NIBAN1: variants seen among roughly 807,000 people sequenced by gnomAD.
NIBAN1 encodes the protein niban apoptosis regulator 1, also known as protein Niban 1.
A neutral mutation model predicts 75.1 loss-of-function variants in NIBAN1; 81 were observed. That is an observed-to-expected ratio of 1.08 (90% confidence interval 0.90 to 1.30). The LOEUF is 1.30. Ranked by LOEUF, NIBAN1 falls within the 50% of genes most tolerant of loss-of-function variation. The pLI, the probability that NIBAN1 is intolerant of heterozygous loss-of-function variation, is 0.00. For missense variants in NIBAN1, 1,133 were observed against 1,128.1 expected (o/e 1.00, Z -0.06); for synonymous variants, 436 against 424.8 (o/e 1.03, Z -0.32).
intron 9 of NIBAN1, among the ~76,000 whole-genome samples, chr1:184,811,251 TC>T (rs1180204863): frequency 3.9e-5 from 6 of 152,204 alleles, no homozygotes; most frequent in Admixed American, 2.0e-4. Flanking sequence ...ATTTCTGTGT[TC>T]TACCCCTTTT....
rs534255584 is a variant in NIBAN1, at chr1:184,837,261, G to A, written c.602-5299C>T. Among the ~76,000 whole-genome samples the A allele has an allele frequency of 5.9e-5, 9 of 152,274 alleles. No individual in the cohort carries two copies. The South Asian group carries it at 1.7e-3, about 28-fold the overall frequency. The stretch of plus-strand genomic sequence containing the variant: ...AATCAAAATGGTTTTTGGCTTTTAA[G>A]CAGTCTCCTGGCAAGCCAACTTAGA... On this transcript the variant is annotated intron_variant, in intron 5 of 13. Transcript: ENST00000367511.
At chr1:184,921,340 T>C (rs1657528099) in intron 1 of NIBAN1, among the ~76,000 whole-genome samples, 1 of 151,592 alleles carries the variant, frequency 6.6e-6, no homozygotes, top group Non-Finnish European at 1.5e-5. Context: ...TAAAAAGACA[T>C]CCTAAGGTAA....
chr1:184,865,943 C>A (rs1334528667), intron 5 of NIBAN1, among the ~76,000 whole-genome samples: 2 of 152,146 alleles, frequency 1.3e-5, no homozygotes, highest in Non-Finnish European at 2.9e-5. Context: ...TTGCTGTTAA[C>A]AAGTAAAATA....
chr1:184,795,107 G>C lies in NIBAN1; in HGVS notation c.2657C>G (p.Ala886Gly). ...ASVNAEEIKV[A>G]RIHECQWVVE... ...CACCCACTGACACTCATGAATACGG[G>C]CTACCTTGATCTCCTCTGCATTCAC... Residue 886 changes from alanine (A) to glycine (G), a missense_variant, in exon 14 of 14, where the codon GCC (alanine) becomes GGC (glycine). Coordinates refer to ENST00000367511, the MANE Select transcript of NIBAN1 (RefSeq NM_052966.4). 3 of 1,614,050 alleles carry C rather than the reference G, an allele frequency of 1.9e-6. No homozygotes were observed. The highest frequency in any genetic ancestry group is 2.5e-6 in the Non-Finnish European group (3 of 1,180,036).
At chr1:184,959,620 T>C (rs1658578352) in intron 1 of NIBAN1, among the ~76,000 whole-genome samples, 1 of 152,238 alleles carries the variant, frequency 6.6e-6, no homozygotes, top group Non-Finnish European at 1.5e-5. Context: ...GGGTATTTTG[T>C]TGCATTCTTA....
At position 184,890,049 on chromosome 1, in the gene NIBAN1, T is replaced by C. The variant is rs1201588581; in HGVS notation, c.433+59A>G. On this transcript the variant is annotated intron_variant, in intron 4 of 13. Transcript: ENST00000367511. ...CCTCTCCTTCACAGAGAAACACTGC[T>C]CCAGCTAAACAAAGAAGCTTAGTCA... The C allele has an allele frequency of 3.1e-6, 4 of 1,286,060 alleles. No homozygotes were observed. In the East Asian group the frequency reaches 9.2e-5, roughly 30 times the overall value. 79.7% of individuals were successfully genotyped at this position (1,286,060 alleles called of 1,614,324 possible). A position where few individuals can be genotyped will look rare whatever the true frequency, so the allele number is the denominator to read the frequency against.
At chr1:184,875,977 C>T (rs1207816937) in intron 5 of NIBAN1, among the ~76,000 whole-genome samples, 4 of 151,962 alleles carry the variant, frequency 2.6e-5, no homozygotes, top group Non-Finnish European at 5.9e-5. Flanking sequence ...AGTTTGAGAC[C>T]AGCCTGACCA....
At chr1:184,955,930 C>G (rs796487953) in intron 1 of NIBAN1, among the ~76,000 whole-genome samples, 4 of 152,264 alleles carry the variant, frequency 2.6e-5, no homozygotes, top group African/African-American at 9.6e-5. Context: ...TCTATCTGCC[C>G]TTATCTGCAG....
At chr1:184,899,807 CTTTTTTTTTTTT>C (rs66802117) in intron 1 of NIBAN1, among the ~76,000 whole-genome samples, 6 of 100,332 alleles carry the variant, frequency 6.0e-5, no homozygotes, top group African/African-American at 1.9e-4. Flanking sequence ...ACATCACTCT[CTTTTTTTTTTTT>C]TTTTTTTTTT....
At chr1:184,887,766 T>C (rs1656564185) in intron 4 of NIBAN1, 1 of 152,238 alleles carries the variant, frequency 6.6e-6, no homozygotes, top group Non-Finnish European at 1.5e-5. Flanking sequence ...GAGTTTTTTA[T>C]TGTATGCAGT....
intron 5 of NIBAN1, among the ~76,000 whole-genome samples, chr1:184,853,692 AAC>A (rs1251034431): frequency 6.6e-6 from 1 of 151,538 alleles, no homozygotes; most frequent in Non-Finnish European, 1.5e-5. Context: ...TCCCACCCTC[AAC>A]ACACACACAT....
chr1:184,943,526 C>G (rs945050609), intron 1 of NIBAN1, among the ~76,000 whole-genome samples: 1 of 152,014 alleles, frequency 6.6e-6, no homozygotes, highest in African/African-American at 2.4e-5. Flanking sequence ...CTGAATGACA[C>G]AGGAAAAAAA....
At chr1:184,929,146 C>T (rs755855197) in intron 1 of NIBAN1, among the ~76,000 whole-genome samples, 3 of 152,120 alleles carry the variant, frequency 2.0e-5, no homozygotes, top group Non-Finnish European at 4.4e-5. Context: ...TGTCATATTG[C>T]GTGTCCACAG....
chr1:184,795,293 G>A lies in NIBAN1; in HGVS notation c.2471C>T (p.Ala824Val), dbSNP rs1300708696. 1.2e-6 allele frequency: 2 copies of A among 1,612,504 alleles called. No homozygotes were observed. ...ELPGEACTLT[A>V]HEGRGGKCTE... The stretch of plus-strand genomic sequence containing the variant: ...ACACTTGCCCCCTCTTCCTTCATGG[G>A]CAGTGAGTGTGCAGGCCTCTCCTGG... Residue 824 changes from alanine (A) to valine (V), a missense_variant, in exon 14 of 14, where the codon GCC becomes GTC. By Grantham distance (64) the Ala-to-Val change is moderately conservative. Coordinates refer to ENST00000367511, the MANE Select transcript of NIBAN1 (RefSeq NM_052966.4).
chr1:184,916,627 C>A (rs1181522402), intron 1 of NIBAN1, among the ~76,000 whole-genome samples: 3 of 151,272 alleles, frequency 2.0e-5, no homozygotes, highest in African/African-American at 7.3e-5. Context: ...TATTCAATTT[C>A]CAGGATAAGA....
At chr1:184,948,232 C>T (rs1201706797) in intron 1 of NIBAN1, among the ~76,000 whole-genome samples, 2 of 152,150 alleles carry the variant, frequency 1.3e-5, no homozygotes, top group Non-Finnish European at 1.5e-5. Context: ...AATTCCAGCA[C>T]ATTTCTATCT....
intron 1 of NIBAN1, among the ~76,000 whole-genome samples, chr1:184,923,456 G>T (rs1464439853): frequency 6.6e-6 from 1 of 152,086 alleles, no homozygotes; most frequent in Non-Finnish European, 1.5e-5. Context: ...ATGCTGTTTT[G>T]GTTACTATAG....
chr1:184,951,618 C>T (rs1658360036), intron 1 of NIBAN1, among the ~76,000 whole-genome samples: 2 of 152,122 alleles, frequency 1.3e-5, no homozygotes, highest in South Asian at 2.1e-4. Flanking sequence ...CCTCCAGCTA[C>T]CCCCTAGTCC....
At chr1:184,963,684 C>T (rs1160943107) in intron 1 of NIBAN1, among the ~76,000 whole-genome samples, 1 of 151,974 alleles carries the variant, frequency 6.6e-6, no homozygotes, top group Non-Finnish European at 1.5e-5. Context: ...GTGAAAGGCA[C>T]CAATAAATAA....
Sources: allele counts gnomAD v4.1 joint callset (sites outside exome capture counted in the v4.1 genomes callset), GRCh38; gene constraint gnomAD v4.1.1; transcripts MANE v1.5; gene names NCBI Gene and HGNC (gene_info 2026-07-23, HGNC 2026-07-21).